The following MAST1 variants were observed in gnomAD, a reference collection of about 807,000 sequenced individuals.
The protein encoded by MAST1 is microtubule associated serine/threonine kinase 1, also known as microtubule-associated serine/threonine-protein kinase 1.
In MAST1, 40 loss-of-function variants were observed where a neutral mutation model predicts 124.6. The observed-to-expected ratio is 0.32, with a 90% CI of 0.25 to 0.42. The LOEUF is 0.42. Ranked by LOEUF, MAST1 falls within the 10% of genes least tolerant of loss-of-function variation. The pLI, the probability that MAST1 is intolerant of heterozygous loss-of-function variation, is 1.00. For synonymous variants in MAST1, 938 were observed against 939.4 expected, an observed-to-expected ratio of 1.00 and a Z score of 0.03; for missense variants, 1,558 against 2,181.9, an observed-to-expected ratio of 0.71 and a Z score of 5.70.
intron 10 of MAST1, among the ~76,000 whole-genome samples, chr19:12,858,006 CAAAAAAAAA>C (rs539497049): frequency 0.012 from 613 of 49,396 alleles, 10 homozygotes; most frequent in African/African-American, 0.031. Context: ...GAACCTATCT[CAAAAAAAAA>C]AAAAAAAAAA....
At chr19:12,872,750 G>A (rs1172306278) in intron 24 of MAST1, 1 of 152,908 alleles carries the variant, frequency 6.5e-6, no homozygotes, top group Non-Finnish European at 1.5e-5. Context: ...AAAATTAGCT[G>A]GGAGTGGTGG....
intron 18 of MAST1, 83 bp from the exon 19 acceptor site, chr19:12,867,391 G>T: frequency 6.6e-7 from 1 of 1,516,544 alleles, no homozygotes; most frequent in Non-Finnish European, 9.1e-7. Flanking sequence ...TGCGTTTTGC[G>T]GGGGATCCAC....
At position 12,840,512 on chromosome 19, in the gene MAST1, C is replaced by A; in HGVS notation, c.150C>A (p.His50Gln). 1 of 1,613,970 alleles carries A rather than the reference C, an allele frequency of 6.2e-7. No individual in the cohort carries two copies. Among genetic ancestry groups the A allele is most frequent in the Non-Finnish European group, 8.5e-7 (1 of 1,179,878 alleles). ...CTTCACCCACGCTACCGAGACCCCA[C>A]TCCCCGCTGCCAGGTCACCTAGGTG... ...TSTSPTLPRP[H>Q]SPLPGHLGSS... is the part of the protein sequence containing the mutation. The change falls in exon 2 of 26, where the codon CAC becomes CAA. Residue 50 changes from histidine (H) to glutamine (Q), a missense_variant. Coordinates refer to ENST00000251472, the MANE Select transcript of MAST1 (RefSeq NM_014975.3).
In MAST1 at chr19:12,866,593, G is replaced by GATAT. The variant is rs1970157195; in HGVS notation, c.2030-60_2030-59insATAT. ...TCTTGAACCAGGACTGGGCTCCTGT[G>GATAT]GGGATGTGATATGAGGAGGAACCCC... On this transcript the variant is annotated intron_variant, in intron 17 of 25. Coordinates refer to ENST00000251472, the MANE Select transcript of MAST1 (RefSeq NM_014975.3). This position sits in a 1 kb window ranked among gnomAD's most constrained non-coding sequence, Gnocchi z 5.2. 9.0e-7 allele frequency: 1 copy of GATAT among 1,110,342 alleles called. No individual in the cohort carries two copies. Among genetic ancestry groups the GATAT allele is most frequent in the African/African-American group, 1.5e-5 (1 of 64,540 alleles). 68.8% of individuals were successfully genotyped at this position (1,110,342 alleles called of 1,614,324 possible). A position where few individuals can be genotyped will look rare whatever the true frequency, so the allele number is the denominator to read the frequency against.
Position 12,838,625 on chromosome 19 carries a change from C to G in MAST1, c.53C>G (p.Pro18Arg). 1.2e-6 allele frequency: 2 copies of G among 1,610,454 alleles called. No homozygotes were observed. The highest frequency in any genetic ancestry group is 1.7e-6 in the Non-Finnish European group (2 of 1,178,724). The change falls in exon 1 of 26, where the codon CCC (proline) becomes CGC (arginine). Residue 18 changes from proline (P) to arginine (R), a missense_variant. Physicochemically the swap from Pro to Arg is moderately radical, Grantham distance 103 (BLOSUM62 -2). Coordinates refer to ENST00000251472, the MANE Select transcript of MAST1 (RefSeq NM_014975.3). The surrounding 1 kb of genome is among the most constrained non-coding windows in gnomAD (Gnocchi z 4.3). ...TCTAATTTCTCGATGCCCTCCTTCC[C>G]CGGCGGCAGTATGTTCCGCCGCACC... ...ALSNFSMPSF[P>R]GGSMFRRTKS...
In MAST1 at chr19:12,864,960, C is replaced by G; in HGVS notation, c.1505+13C>G. On this transcript the variant is annotated intron_variant, in intron 13 of 25. Coordinates refer to ENST00000251472, the MANE Select transcript of MAST1 (RefSeq NM_014975.3). ...TCAAGCCTGACAAGTGAGCTTTGAT[C>G]TTTCCCATCACTCCCTCTGTCCCTC... 6.2e-7 allele frequency: 1 copy of G among 1,614,116 alleles called. No individual in the cohort carries two copies. The highest frequency in any genetic ancestry group is 8.5e-7 in the Non-Finnish European group (1 of 1,179,992).
In MAST1 at chr19:12,841,948, G is replaced by A. The variant is rs75122311; in HGVS notation, c.248+882G>A. Among the ~76,000 whole-genome samples, 216 of 152,298 alleles carry A rather than the reference G, an allele frequency of 1.4e-3. 1 individual carries two copies. The highest frequency in any genetic ancestry group is 5.0e-3 in the African/African-American group (208 of 41,558). ...GGGTCTCACATGTTTATCCGCAAGC[G>A]GGGAGGACTGAGCGAGGGGACTGCT... On this transcript the variant is annotated intron_variant, in intron 3 of 25. Coordinates refer to ENST00000251472, the MANE Select transcript of MAST1 (RefSeq NM_014975.3). The surrounding 1 kb of genome is among the most constrained non-coding windows in gnomAD (Gnocchi z 4.3).
At chr19:12,869,494 C>T (rs1355270743) in intron 22 of MAST1, among the ~76,000 whole-genome samples, 199 bp downstream of exon 22, 1 of 152,098 alleles carries the variant, frequency 6.6e-6, no homozygotes, top group South Asian at 2.1e-4. Flanking sequence ...AGTGCAGTGG[C>T]AGGATCTCGG....
chr19:12,846,801 G>A (rs536870155), intron 4 of MAST1, among the ~76,000 whole-genome samples: 1 of 151,170 alleles, frequency 6.6e-6, no homozygotes, highest in South Asian at 2.1e-4. Context: ...TCGCTTGAAC[G>A]CGGGAGGCGG....
At position 12,873,883 on chromosome 19, in the gene MAST1, G is replaced by A. The variant is rs747651708; in HGVS notation, c.3726G>A (p.Ser1242=). ...TQSFPAKLHS[S]PPVVRPRPKS... ...GCTTCCCGGCCAAACTGCACTCATC[G>A]CCTCCCGTCGTGCGCCCGCGCCCCA... Residue 1242 remains serine (S), a synonymous_variant, in exon 26 of 26, where the codon TCG becomes TCA. Coordinates refer to ENST00000251472, the MANE Select transcript of MAST1 (RefSeq NM_014975.3). 13 of 1,580,888 alleles carry A rather than the reference G, an allele frequency of 8.2e-6. No homozygotes were observed. The highest frequency in any genetic ancestry group is 1.1e-5 in the Non-Finnish European group (13 of 1,171,538).
chr19:12,838,719 T>G lies in MAST1; in HGVS notation c.83+64T>G. On this transcript the variant is annotated intron_variant, in intron 1 of 25. Coordinates refer to ENST00000251472, the MANE Select transcript of MAST1 (RefSeq NM_014975.3). The surrounding 1 kb of genome is among the most constrained non-coding windows in gnomAD (Gnocchi z 4.3). ...CCGCAAAAGCCGCCGCTCCGGGTAC[T>G]GCTGCAGGGCGGGGCCCGGGATGCT... is the stretch of plus-strand genomic sequence containing the variant. 2 of 1,489,424 alleles carry G rather than the reference T, an allele frequency of 1.3e-6. No homozygotes were observed. Among genetic ancestry groups the G allele is most frequent in the Non-Finnish European group, 1.8e-6 (2 of 1,081,314 alleles). 92.3% of individuals were successfully genotyped at this position (1,489,424 alleles called of 1,614,324 possible).
Position 12,843,676 on chromosome 19 carries a change from A to G in MAST1, c.327+69A>G. 7.1e-7 allele frequency: 1 copy of G among 1,405,334 alleles called. No homozygotes were observed. The highest frequency in any genetic ancestry group is 9.9e-7 in the Non-Finnish European group (1 of 1,005,358). 87.1% of individuals were successfully genotyped at this position (1,405,334 alleles called of 1,614,324 possible). A position where few individuals can be genotyped will look rare whatever the true frequency, so the allele number is the denominator to read the frequency against. ...CAGGGGCCCTCCAGCCTGAAGACCCACACCCAGGCCAGCAGTCCAGGCTGG... is the reference window on the plus strand; with the variant it reads ...CAGGGGCCCTCCAGCCTGAAGACCCGCACCCAGGCCAGCAGTCCAGGCTGG... On this transcript the variant is annotated intron_variant, in intron 4 of 25. Coordinates refer to ENST00000251472, the MANE Select transcript of MAST1 (RefSeq NM_014975.3). The surrounding 1 kb of genome is among the most constrained non-coding windows in gnomAD (Gnocchi z 4.9).
chr19:12,865,186 T>C lies in MAST1; in HGVS notation c.1638+8T>C, dbSNP rs2145907127. The C allele has an allele frequency of 6.2e-7, 1 of 1,613,256 alleles. No homozygotes were observed. The highest frequency in any genetic ancestry group is 1.7e-5 in the Admixed American group (1 of 59,936). ...GAGTTCCTGGACAAACAGGTGTGTG[T>C]GCGGGCATGGGGGTCGCTGAGGGTG... is the stretch of plus-strand genomic sequence containing the variant. On this transcript the variant is annotated splice_region_variant and intron_variant, in intron 14 of 25. Transcript: ENST00000251472. The surrounding 1 kb of genome is among the most constrained non-coding windows in gnomAD (Gnocchi z 7.1).
chr19:12,873,288 A>C, intron 24 of MAST1, 36 bp from the exon 25 acceptor site: 19 of 1,588,880 alleles, frequency 1.2e-5, no homozygotes, highest in Non-Finnish European at 1.6e-5. Context: ...TCTGGCGTCC[A>C]GGTCAAGGAC....
At chr19:12,868,077 A>C in intron 20 of MAST1, 100 bp downstream of exon 20, 71 of 1,177,054 alleles carry the variant, frequency 6.0e-5, no homozygotes, top group Non-Finnish European at 7.5e-5. Flanking sequence ...GAAAGATCTC[A>C]GGTCCTATTC....
intron 22 of MAST1, among the ~76,000 whole-genome samples, chr19:12,869,583 G>A (rs1970205643): frequency 6.6e-6 from 1 of 151,994 alleles, no homozygotes; most frequent in African/African-American, 2.4e-5. Flanking sequence ...ACAGACAGGC[G>A]CGCGCCACCA....
chr19:12,861,123 C>T (rs1326789860), intron 12 of MAST1, among the ~76,000 whole-genome samples: 2 of 152,006 alleles, frequency 1.3e-5, no homozygotes, highest in Admixed American at 6.6e-5. Flanking sequence ...AGTGCCGTGG[C>T]GCAATCTTGG....
chr19:12,873,531 C>T lies in MAST1; in HGVS notation c.3451+20C>T, dbSNP rs1277765271. 2 of 1,592,996 alleles carry T rather than the reference C, an allele frequency of 1.3e-6. No homozygotes were observed. Among genetic ancestry groups the T allele is most frequent in the Non-Finnish European group, 1.7e-6 (2 of 1,171,986 alleles). On this transcript the variant is annotated intron_variant, in intron 25 of 25. Transcript: ENST00000251472. ...ACCTAGGTATTACCTCCTGCACCTG[C>T]GCGGGGACCGAGCAGCGCGGGGTGG...
intron 10 of MAST1, among the ~76,000 whole-genome samples, chr19:12,853,307 G>A (rs1333664797): frequency 6.6e-6 from 1 of 151,818 alleles, no homozygotes; most frequent in Non-Finnish European, 1.5e-5. Context: ...TCGGGGCCGG[G>A]TGCAGTGGCT....
Sources: allele counts gnomAD v4.1 joint callset (sites outside exome capture counted in the v4.1 genomes callset), GRCh38; gene constraint gnomAD v4.1.1; non-coding constraint Gnocchi (gnomAD v3.1); transcripts MANE v1.5; gene names NCBI Gene and HGNC (gene_info 2026-07-23, HGNC 2026-07-21).